NALF1: variants seen among roughly 807,000 people sequenced by gnomAD.
NALF1 encodes family with sequence similarity 155 member A.
A neutral mutation model predicts 48.4 loss-of-function variants in NALF1; 3 were observed. The ratio of observed to expected loss-of-function variants is 0.06; its 90% CI spans 0.03 to 0.16. The LOEUF (loss-of-function observed/expected upper bound fraction) is 0.16. NALF1 is among the 10% of genes least tolerant of loss of function. NALF1 has a pLI of 1.00. For synonymous variants in NALF1, 262 were observed against 245.7 expected (o/e 1.07, Z -0.62); for missense variants, 526 against 571.5 (o/e 0.92, Z 0.81).
intron 1 of NALF1, among the ~76,000 whole-genome samples, chr13:107,354,435 G>A (rs749507719): frequency 1.2e-4 from 18 of 151,886 alleles, no homozygotes; most frequent in Admixed American, 6.6e-4. Context: ...TCTACTCTTG[G>A]AGATGGCAGC....
chr13:107,192,749 C>A (rs1879309651), intron 2 of NALF1, among the ~76,000 whole-genome samples: 1 of 152,138 alleles, frequency 6.6e-6, no homozygotes, highest in Non-Finnish European at 1.5e-5. Context: ...CCAACAATAA[C>A]CTATGACTAC....
chr13:107,505,058 G>GATTT (rs1875650498), intron 1 of NALF1, among the ~76,000 whole-genome samples: 1 of 151,850 alleles, frequency 6.6e-6, no homozygotes, highest in African/African-American at 2.4e-5. Flanking sequence ...AGCAGTAAAG[G>GATTT]CTATGGAGAG....
chr13:107,273,352 T>C (rs1268859501), intron 1 of NALF1, among the ~76,000 whole-genome samples: 1 of 152,232 alleles, frequency 6.6e-6, no homozygotes, highest in Non-Finnish European at 1.5e-5. Context: ...GCCTTCATTT[T>C]TGTGTGAAGG....
At chr13:107,711,790 A>AG (rs1416156237) in intron 1 of NALF1, among the ~76,000 whole-genome samples, 1 of 152,206 alleles carries the variant, frequency 6.6e-6, no homozygotes. Flanking sequence ...TCTAAAAACT[A>AG]CTACTTCTAG....
At chr13:107,593,985 C>CA (rs1448264708) in intron 1 of NALF1, among the ~76,000 whole-genome samples, 1 of 151,982 alleles carries the variant, frequency 6.6e-6, no homozygotes, top group Non-Finnish European at 1.5e-5. Flanking sequence ...CCACAGATAA[C>CA]ATGACAAATT....
chr13:107,652,454 C>T (rs569314526), intron 1 of NALF1, among the ~76,000 whole-genome samples: 1 of 152,162 alleles, frequency 6.6e-6, no homozygotes, highest in African/African-American at 2.4e-5. Flanking sequence ...CAATACATAG[C>T]CAAAGTCCCT....
intron 1 of NALF1, among the ~76,000 whole-genome samples, chr13:107,261,813 T>C (rs1030211765): frequency 2.2e-4 from 34 of 152,312 alleles, no homozygotes; most frequent in African/African-American, 7.9e-4. Flanking sequence ...AATAAATCAC[T>C]AATTTCATTA....
At chr13:107,673,695 G>A (rs1454666630) in intron 1 of NALF1, among the ~76,000 whole-genome samples, 1 of 152,118 alleles carries the variant, frequency 6.6e-6, no homozygotes, top group Non-Finnish European at 1.5e-5. Context: ...TTCTTGACAT[G>A]AAGAAATGAT....
At chr13:107,415,358 A>G (rs1343810916) in intron 1 of NALF1, among the ~76,000 whole-genome samples, 2 of 151,300 alleles carry the variant, frequency 1.3e-5, no homozygotes, top group Non-Finnish European at 2.9e-5. Context: ...CTAAGGACAA[A>G]CCGAGGGCCA....
chr13:107,714,916 A>G (rs1875706570), intron 1 of NALF1, among the ~76,000 whole-genome samples: 1 of 152,178 alleles, frequency 6.6e-6, no homozygotes, highest in African/African-American at 2.4e-5. Context: ...GTGGATATTA[A>G]CAATGAGTTA....
intron 1 of NALF1, among the ~76,000 whole-genome samples, chr13:107,432,838 A>G (rs558004929): frequency 6.6e-6 from 1 of 152,266 alleles, no homozygotes; most frequent in East Asian, 1.9e-4. Flanking sequence ...GATTGGTTTC[A>G]TTTATAATTG....
chr13:107,250,762 T>C (rs1245170159), intron 1 of NALF1, among the ~76,000 whole-genome samples: 2 of 152,126 alleles, frequency 1.3e-5, no homozygotes, highest in Non-Finnish European at 2.9e-5. Flanking sequence ...TAATTCCCAG[T>C]GTTGGAGGAG....
At chr13:107,460,974 G>A (rs2139043115) in intron 1 of NALF1, among the ~76,000 whole-genome samples, 1 of 152,206 alleles carries the variant, frequency 6.6e-6, no homozygotes, top group South Asian at 2.1e-4. Flanking sequence ...TACATGAGGA[G>A]ACACCTTTTA....
intron 1 of NALF1, among the ~76,000 whole-genome samples, chr13:107,415,455 T>C (rs926000254): frequency 1.3e-5 from 2 of 152,066 alleles, no homozygotes; most frequent in Admixed American, 6.5e-5. Context: ...CTACCTAGAC[T>C]GAAACAGATT....
intron 1 of NALF1, among the ~76,000 whole-genome samples, chr13:107,492,166 T>G (rs944727607): frequency 1.3e-5 from 2 of 150,580 alleles, no homozygotes; most frequent in African/African-American, 4.9e-5. Context: ...TTCTCCTGCC[T>G]CAGCCTTACG....
chr13:107,516,215 A>G (rs1368340995), intron 1 of NALF1, among the ~76,000 whole-genome samples: 1 of 152,214 alleles, frequency 6.6e-6, no homozygotes, highest in Non-Finnish European at 1.5e-5. Flanking sequence ...TAAAGAAAAC[A>G]AAGATGACAA....
At chr13:107,351,359 G>T (rs1215094942) in intron 1 of NALF1, among the ~76,000 whole-genome samples, 1 of 152,180 alleles carries the variant, frequency 6.6e-6, no homozygotes, top group Non-Finnish European at 1.5e-5. Flanking sequence ...GACCAGAAAT[G>T]CGCGAAGGAG....
intron 1 of NALF1, among the ~76,000 whole-genome samples, chr13:107,577,982 C>CT (rs986265469): frequency 2.0e-5 from 3 of 152,102 alleles, no homozygotes; most frequent in Admixed American, 2.0e-4. Context: ...GCTTAAAACC[C>CT]TTTGAGATTC....
chr13:107,399,125 G>A (rs1191466975), intron 1 of NALF1, among the ~76,000 whole-genome samples: 2 of 152,104 alleles, frequency 1.3e-5, no homozygotes, highest in South Asian at 2.1e-4. Flanking sequence ...CTGCAGACTC[G>A]GGGAGATGGC....
Sources: gnomAD v4.1 joint callset for allele counts (sites outside exome capture counted in the v4.1 genomes callset) on GRCh38, gnomAD v4.1.1 for gene constraint, MANE v1.5 for transcripts, NCBI Gene and HGNC (gene_info 2026-07-23, HGNC 2026-07-21) for gene names.